EYS: variants seen among roughly 807,000 people sequenced by gnomAD.
The protein encoded by EYS is EGF-like photoreceptor maintenance factor.
A neutral mutation model predicts 282.1 loss-of-function variants in EYS; 250 were observed. That is an observed-to-expected ratio of 0.89 (90% CI 0.80 to 0.98). EYS has a LOEUF of 0.98. Ranked by LOEUF, EYS falls within the 50% of genes least tolerant of loss-of-function variation. EYS has a pLI of 0.00. For synonymous variants in EYS, 1,355 were observed against 1,282.9 expected (o/e 1.06, Z -1.20); for missense variants, 4,016 against 3,709.0 (o/e 1.08, Z -2.15).
intron 19 of EYS, among the ~76,000 whole-genome samples, chr6:64,849,133 G>A (rs1765805554): frequency 6.6e-6 from 1 of 151,888 alleles, no homozygotes; most frequent in African/African-American, 2.4e-5. Flanking sequence ...TTGACATCAA[G>A]CTTGGGTCAC....
intron 35 of EYS, among the ~76,000 whole-genome samples, chr6:63,921,084 G>C (rs1433254733): frequency 6.6e-6 from 1 of 152,170 alleles, no homozygotes; most frequent in Non-Finnish European, 1.5e-5. Context: ...TTTTAGTAGA[G>C]ACAGGGTTTC....
intron 42 of EYS, among the ~76,000 whole-genome samples, chr6:63,723,350 T>A (rs1768480053): frequency 6.6e-6 from 1 of 152,158 alleles, no homozygotes; most frequent in Non-Finnish European, 1.5e-5. Flanking sequence ...TAAACATAAT[T>A]GATAATTAAG....
At chr6:64,645,071 G>A (rs1317842279) in intron 22 of EYS, among the ~76,000 whole-genome samples, 1 of 152,070 alleles carries the variant, frequency 6.6e-6, no homozygotes, top group Non-Finnish European at 1.5e-5. Context: ...ACATCAACTA[G>A]CCTTTAAGAA....
chr6:64,726,078 G>T (rs1341501115), intron 22 of EYS, among the ~76,000 whole-genome samples: 1 of 151,886 alleles, frequency 6.6e-6, no homozygotes, highest in East Asian at 1.9e-4. Flanking sequence ...CAAGACTTTT[G>T]TCTCCCTCAT....
intron 2 of EYS, among the ~76,000 whole-genome samples, chr6:65,528,042 C>T (rs2024792): frequency 0.15 from 23,483 of 152,050 alleles, 2,305 homozygotes; most frequent in East Asian, 0.28. Flanking sequence ...GGTATCAGCT[C>T]GAGCACTATA....
chr6:65,496,978 A>G (rs1582379211), intron 2 of EYS, among the ~76,000 whole-genome samples: 1 of 152,060 alleles, frequency 6.6e-6, no homozygotes, highest in Non-Finnish European at 1.5e-5. Context: ...CATATTATAA[A>G]TCTATGAAAT....
chr6:65,353,227 C>G (rs1764353441), intron 9 of EYS, among the ~76,000 whole-genome samples: 1 of 151,956 alleles, frequency 6.6e-6, no homozygotes, highest in Non-Finnish European at 1.5e-5. Context: ...GGAAATAGCT[C>G]TAGTTTACTT....
chr6:65,573,790 G>C (rs755910904), intron 2 of EYS, among the ~76,000 whole-genome samples: 3 of 131,082 alleles, frequency 2.3e-5, no homozygotes, highest in African/African-American at 8.9e-5. Flanking sequence ...TTCTGAAGCT[G>C]CTCTAAACCT....
At chr6:64,775,842 A>C (rs1773662495) in intron 22 of EYS, among the ~76,000 whole-genome samples, 1 of 152,048 alleles carries the variant, frequency 6.6e-6, no homozygotes, top group African/African-American at 2.4e-5. Flanking sequence ...AATATATCTA[A>C]TTTTTTGGTT....
chr6:64,880,640 C>T (rs1183719904), intron 19 of EYS, among the ~76,000 whole-genome samples: 1 of 151,276 alleles, frequency 6.6e-6, no homozygotes, highest in Non-Finnish European at 1.5e-5. Flanking sequence ...AACTCCTTAC[C>T]TTCATCCTGG....
chr6:64,677,339 G>A lies in EYS; in HGVS notation c.3444-51094C>T, dbSNP rs146474452. Among the ~76,000 whole-genome samples, 945 of 151,948 alleles carry A rather than the reference G, an allele frequency of 6.2e-3. 7 individuals are homozygous for A. The highest frequency in any genetic ancestry group is 0.011 in the Non-Finnish European group (741 of 67,934). On this transcript the variant is annotated intron_variant, in intron 22 of 42. Transcript: ENST00000503581. ...AGCTCTACTGGTTTTTTAAAAAAAC[G>A]CAATGCTACTTTATTAAATATCTGA...
At chr6:65,127,861 C>T (rs956012266) in intron 12 of EYS, among the ~76,000 whole-genome samples, 2 of 152,086 alleles carry the variant, frequency 1.3e-5, no homozygotes, top group Non-Finnish European at 2.9e-5. Flanking sequence ...TTTCCTCTCA[C>T]TGTTTGTGCA....
chr6:64,657,963 TC>T (rs1263243167), intron 22 of EYS, among the ~76,000 whole-genome samples: 1 of 152,190 alleles, frequency 6.6e-6, no homozygotes, highest in Non-Finnish European at 1.5e-5. Context: ...CCAACGTGGT[TC>T]CATTCTCCTT....
At chr6:65,330,921 A>G (rs912401821) in intron 11 of EYS, 3 of 982,768 alleles carry the variant, frequency 3.1e-6, no homozygotes, top group South Asian at 4.7e-5. Flanking sequence ...ACCATTTACT[A>G]AAGAACCCTG....
chr6:64,319,267 A>G (rs1355862658), intron 29 of EYS, among the ~76,000 whole-genome samples: 4 of 152,014 alleles, frequency 2.6e-5, no homozygotes, highest in Non-Finnish European at 5.9e-5. Flanking sequence ...TCTTTATTGT[A>G]GATTTATTAT....
At chr6:64,744,009 G>A (rs1205047323) in intron 22 of EYS, among the ~76,000 whole-genome samples, 2 of 151,812 alleles carry the variant, frequency 1.3e-5, no homozygotes, top group African/African-American at 4.8e-5. Flanking sequence ...GTAAAATTTG[G>A]TATACATTCT....
intron 33 of EYS, among the ~76,000 whole-genome samples, chr6:64,035,418 A>AACTAGGTAGG (rs1393223087): frequency 7.2e-5 from 11 of 152,208 alleles, no homozygotes; most frequent in African/African-American, 2.7e-4. Context: ...AGGAGAAAGA[A>AACTAGGTAGG]ACTAGGTAGG....
intron 35 of EYS, among the ~76,000 whole-genome samples, chr6:63,877,686 T>A (rs1773013707): frequency 6.6e-6 from 1 of 152,186 alleles, no homozygotes; most frequent in Non-Finnish European, 1.5e-5. Flanking sequence ...CTCTTTTTTC[T>A]TAAACTTCTC....
intron 30 of EYS, among the ~76,000 whole-genome samples, chr6:64,305,009 A>T (rs1301474603): frequency 1.3e-5 from 2 of 152,150 alleles, no homozygotes; most frequent in Non-Finnish European, 2.9e-5. Context: ...GATGACATTG[A>T]TGATAACAAA....
Sources: gnomAD v4.1 joint callset for allele counts (sites outside exome capture counted in the v4.1 genomes callset) on GRCh38, gnomAD v4.1.1 for gene constraint, MANE v1.5 for transcripts, NCBI Gene and HGNC (gene_info 2026-07-23, HGNC 2026-07-21) for gene names.